Variants in ADAMTS13 observed in about 807,000 individuals in gnomAD.
The protein encoded by ADAMTS13 is ADAM metallopeptidase with thrombospondin type 1 motif 13, also known as A disintegrin and metalloproteinase with thrombospondin motifs 13.
In ADAMTS13, 110 loss-of-function variants were observed where a neutral mutation model predicts 155.1. The ratio of observed to expected loss-of-function variants is 0.71; its 90% CI spans 0.61 to 0.83. The LOEUF (loss-of-function observed/expected upper bound fraction) is 0.83, where lower values mean the gene tolerates loss of function less well. Among genes scored for constraint, ADAMTS13 ranks in the 40% least tolerant of loss-of-function variants. The pLI is 0.00. For synonymous variants in ADAMTS13, 758 were observed against 756.4 expected (o/e 1.00, Z -0.03); for missense variants, 1,707 against 1,891.7 (o/e 0.90, Z 1.81).
intron 21 of ADAMTS13, 46 bp from the exon 22 acceptor site, chr9:133,448,553 C>G: frequency 6.2e-7 from 1 of 1,603,800 alleles, no homozygotes; most frequent in Non-Finnish European, 8.5e-7. Context: ...GCAGTCCTTG[C>G]TGAGCCTGTC....
In ADAMTS13 at chr9:133,456,037, C is replaced by T; in HGVS notation, c.3401-32C>T. On this transcript the variant is annotated intron_variant, in intron 25 of 28. Transcript: ENST00000355699. The surrounding 1 kb of genome is among the most constrained non-coding windows in gnomAD (Gnocchi z 4.4). ...CCTGCCCTGCTGGGAATCGGGGAAG[C>T]ACTGCTTACCTGTCTCCTGCTCCCT... 1 of 1,612,976 alleles carries T rather than the reference C, an allele frequency of 6.2e-7. No homozygotes were observed.
intron 1 of ADAMTS13, chr9:133,414,740 T>A: frequency 6.2e-7 from 1 of 1,614,168 alleles, no homozygotes; most frequent in Non-Finnish European, 8.5e-7. Context: ...TGGAACAATA[T>A]CACCATTTGT....
upstream of ADAMTS13, chr9:133,417,506 T>C: frequency 9.0e-7 from 1 of 1,111,688 alleles, no homozygotes. Flanking sequence ...GTTTACAAGA[T>C]TTCGATTCAA....
intron 23 of ADAMTS13, among the ~76,000 whole-genome samples, chr9:133,452,188 C>G (rs587696608): frequency 6.6e-6 from 1 of 151,818 alleles, no homozygotes; most frequent in African/African-American, 2.4e-5. Flanking sequence ...TCTCAGCTCA[C>G]TGCAACCTCC....
At position 133,445,486 on chromosome 9, in the gene ADAMTS13, A is replaced by AT. The variant is rs1445947223; in HGVS notation, c.2611-212dup. 6.6e-6 allele frequency among the ~76,000 whole-genome samples: 1 copy of AT among 152,160 alleles called. No individual in the cohort carries two copies. Among genetic ancestry groups the AT allele is most frequent in the Non-Finnish European group, 1.5e-5 (1 of 67,994 alleles). ...TCGGCCAGGCCCACAGTGAGCACTC[A>AT]TGCTGCTGAGGAGCCTGCAAAGGTG... On this transcript the variant is annotated intron_variant, in intron 20 of 28. Coordinates refer to ENST00000355699, the MANE Select transcript of ADAMTS13 (RefSeq NM_139027.6). This position sits in a 1 kb window ranked among gnomAD's most constrained non-coding sequence, Gnocchi z 5.0.
intron 19 of ADAMTS13, among the ~76,000 whole-genome samples, chr9:133,443,824 G>T (rs1174636830): frequency 1.3e-5 from 2 of 150,488 alleles, no homozygotes; most frequent in Non-Finnish European, 2.9e-5. Context: ...TGCCTGGGGA[G>T]GGGGGGCTTC....
Position 133,445,176 on chromosome 9 carries a change from G to A in ADAMTS13, c.2610+124G>A, listed in dbSNP as rs1841973842. On this transcript the variant is annotated intron_variant, in intron 20 of 28. Coordinates refer to ENST00000355699, the MANE Select transcript of ADAMTS13 (RefSeq NM_139027.6). The surrounding 1 kb of genome is among the most constrained non-coding windows in gnomAD (Gnocchi z 5.0). The stretch of plus-strand genomic sequence containing the variant: ...AAGAACACCATCCTTCTGTGGGAAT[G>A]CTGTCTGAGGGCCACCCCTGCTCAG... 8.7e-7 allele frequency: 1 copy of A among 1,152,340 alleles called. No homozygotes were observed. The highest frequency in any genetic ancestry group is 1.2e-6 in the Non-Finnish European group (1 of 809,456). The allele number at this position is 1,152,340 out of a possible 1,614,324, so 71.4% of individuals were successfully genotyped here. A position where few individuals can be genotyped will look rare whatever the true frequency, so the allele number is the denominator to read the frequency against.
chr9:133,426,641 G>T (rs587755150), intron 6 of ADAMTS13, among the ~76,000 whole-genome samples: 3 of 152,302 alleles, frequency 2.0e-5, no homozygotes, highest in Non-Finnish European at 4.4e-5. Flanking sequence ...ACCATTTAGA[G>T]ATAATGTCTC....
Position 133,433,656 on chromosome 9 carries a change from G to C in ADAMTS13, c.1260G>C (p.Gly420=). ...QCNNPRPAFG[G]RACVGADLQA... ...GCATTTTCAGACCTGCCTTTGGGGGGCGTGCATGTGTTGGTGCTGACCTCC... is the reference window on the plus strand; with the variant it reads ...GCATTTTCAGACCTGCCTTTGGGGGCCGTGCATGTGTTGGTGCTGACCTCC... Residue 420 remains glycine (G), a synonymous_variant, in exon 11 of 29, where the codon GGG becomes GGC. Coordinates refer to ENST00000355699, the MANE Select transcript of ADAMTS13 (RefSeq NM_139027.6). 1.9e-6 allele frequency: 3 copies of C among 1,613,960 alleles called. No homozygotes were observed.
chr9:133,438,782 C>T (rs587767782), intron 14 of ADAMTS13, among the ~76,000 whole-genome samples: 16 of 151,962 alleles, frequency 1.1e-4, no homozygotes, highest in South Asian at 6.3e-4. Flanking sequence ...GGCATGATGG[C>T]GGGCGCCTGT....
At chr9:133,418,206 G>A (rs1839795360), upstream of ADAMTS13, 1 of 316,970 alleles carries the variant, frequency 3.2e-6, no homozygotes, top group Non-Finnish European at 5.9e-6. Context: ...CCCAAGATCC[G>A]GGATGGGGAT....
At chr9:133,430,200 C>A in intron 8 of ADAMTS13, 99 bp downstream of exon 8, 3 of 1,479,578 alleles carry the variant, frequency 2.0e-6, no homozygotes, top group Non-Finnish European at 2.7e-6. Context: ...CTGCTGGGTG[C>A]CGTGCTAGGC....
At chr9:133,432,263 CA>C (rs201821000) in intron 8 of ADAMTS13, among the ~76,000 whole-genome samples, 1 of 149,340 alleles carries the variant, frequency 6.7e-6, no homozygotes, top group African/African-American at 2.5e-5. Flanking sequence ...GAAACTGTCT[CA>C]AAAAAAAACA....
Position 133,443,488 on chromosome 9 carries a change from G to A in ADAMTS13, c.2347G>A (p.Ala783Thr), listed in dbSNP as rs1554791546. 1.3e-6 allele frequency: 2 copies of A among 1,588,568 alleles called. No individual in the cohort carries two copies. The highest frequency in any genetic ancestry group is 1.7e-5 in the Admixed American group (1 of 58,574). Residue 783 changes from alanine to threonine, a missense_variant, in exon 19 of 29, where the codon GCC becomes ACC. Coordinates refer to ENST00000355699, the MANE Select transcript of ADAMTS13 (RefSeq NM_139027.6). ...QGSLLKTLPP[A>T]RCRAGAQQPA... is the part of the protein sequence containing the mutation. ...CAGCCTCCTGAAGACATTGCCCCCA[G>A]CCCGGTGCAGAGCAGGGGCCCAGCA...
chr9:133,422,505 G>A lies in ADAMTS13; in HGVS notation c.62G>A (p.Cys21Tyr). The change falls in exon 1 of 29, where the codon TGT becomes TAT. Residue 21 changes from cysteine to tyrosine, a missense_variant. Cys to Tyr is a radical substitution (Grantham distance 194). Coordinates refer to ENST00000355699, the MANE Select transcript of ADAMTS13 (RefSeq NM_139027.6). ...CTCTGTGTGGCCGGAATCCTTGCCT[G>A]TGGCTTTCTCCTGGGCTGCTGGGGA... The part of the protein sequence containing the change: ...PPLCVAGILA[C>Y]GFLLGCWGPS... 6.2e-7 allele frequency: 1 copy of A among 1,614,154 alleles called. No homozygotes were observed. The highest frequency in any genetic ancestry group is 8.5e-7 in the Non-Finnish European group (1 of 1,180,038).
intron 1 of ADAMTS13, chr9:133,414,712 C>T (rs372546162): frequency 3.7e-6 from 6 of 1,614,124 alleles, no homozygotes; most frequent in Non-Finnish European, 5.1e-6. Flanking sequence ...GCTTCTTATG[C>T]TCGATGTCCC....
In ADAMTS13 at chr9:133,424,231, C is replaced by T. The variant is rs782502945; in HGVS notation, c.173-90C>T. The T allele has an allele frequency of 8.2e-6, 13 of 1,587,220 alleles. No individual in the cohort carries two copies. The highest frequency in any genetic ancestry group is 1.1e-5 in the Non-Finnish European group (13 of 1,169,334). ...CAATGTCTTGACTTCGGAAGGCCAT[C>T]CTTCCAAGACCTGCCAGCCCCTTTC... On this transcript the variant is annotated intron_variant, in intron 2 of 28. Coordinates refer to ENST00000355699, the MANE Select transcript of ADAMTS13 (RefSeq NM_139027.6). The surrounding 1 kb of genome is among the most constrained non-coding windows in gnomAD (Gnocchi z 4.3).
chr9:133,448,754 G>C (rs1564436511), intron 22 of ADAMTS13, 26 bp downstream of exon 22: 1 of 1,596,530 alleles, frequency 6.3e-7, no homozygotes, highest in Non-Finnish European at 8.5e-7. Flanking sequence ...AAGACTGTGT[G>C]CTGGCCTTCT....
In ADAMTS13 at chr9:133,422,512, T is replaced by C. The variant is rs1554783655; in HGVS notation, c.69T>C (p.Phe23=). The change falls in exon 1 of 29, where the codon TTT becomes TTC. Residue 23 remains phenylalanine (F), a synonymous_variant. Coordinates refer to ENST00000355699, the MANE Select transcript of ADAMTS13 (RefSeq NM_139027.6). ...TGGCCGGAATCCTTGCCTGTGGCTT[T>C]CTCCTGGGCTGCTGGGGACCCTCCC... ...LCVAGILACG[F]LLGCWGPSHF... The C allele has an allele frequency of 6.2e-7, 1 of 1,614,124 alleles. No homozygotes were observed. The highest frequency in any genetic ancestry group is 1.7e-5 in the Admixed American group (1 of 60,020).
Sources: gnomAD v4.1 joint callset for allele counts (sites outside exome capture counted in the v4.1 genomes callset) on GRCh38, gnomAD v4.1.1 for gene constraint, Gnocchi (gnomAD v3.1) non-coding constraint, MANE v1.5 for transcripts, NCBI Gene and HGNC (gene_info 2026-07-23, HGNC 2026-07-21) for gene names.